Variants in LHFPL3 observed in about 807,000 individuals in gnomAD.
The protein encoded by LHFPL3 is LHFPL tetraspan subfamily member 3 protein.
LHFPL3 carries 5 observed loss-of-function variants against 19.3 expected under a neutral mutation model. That is an observed-to-expected ratio of 0.26 (90% CI 0.14 to 0.54). The LOEUF is 0.54. LHFPL3 is among the 20% of genes least tolerant of loss of function. LHFPL3 has a pLI of 0.94. For synonymous variants in LHFPL3, 133 were observed against 126.2 expected, an observed-to-expected ratio of 1.05 and a Z score of -0.36; for missense variants, 249 against 307.4, an observed-to-expected ratio of 0.81 and a Z score of 1.42.
intron 1 of LHFPL3, among the ~76,000 whole-genome samples, chr7:104,538,839 A>G (rs1584388685): frequency 9.1e-6 from 1 of 110,082 alleles, no homozygotes; most frequent in East Asian, 2.1e-4. Context: ...CGAGGACCTT[A>G]AGATGAGGAA....
At position 104,621,257 on chromosome 7, in the gene LHFPL3, T is replaced by G. The variant is rs148797720; in HGVS notation, c.446-115418T>G. The stretch of plus-strand genomic sequence containing the variant: ...CTTGAGGCTTACTTGAATCGGGGTT[T>G]TCTCCCTTTATGGATTAGTATAGAA... On this transcript the variant is annotated intron_variant, in intron 1 of 2. Transcript: ENST00000424859. Among the ~76,000 whole-genome samples the G allele has an allele frequency of 5.2e-3, 785 of 152,306 alleles. 4 individuals are homozygous for G. The highest frequency in any genetic ancestry group is 0.027 in the Middle Eastern group (8 of 294).
chr7:104,832,408 A>G (rs1268756504), intron 2 of LHFPL3, among the ~76,000 whole-genome samples: 4 of 151,826 alleles, frequency 2.6e-5, no homozygotes, highest in Non-Finnish European at 5.9e-5. Context: ...AACAGAGGAG[A>G]GAGATTTTTT....
chr7:104,392,475 T>C (rs1791094341), intron 1 of LHFPL3, among the ~76,000 whole-genome samples: 1 of 151,986 alleles, frequency 6.6e-6, no homozygotes, highest in South Asian at 2.1e-4. Context: ...TCTGTTTATA[T>C]GCTGGATTAC....
chr7:104,516,237 C>A (rs1021974147), intron 1 of LHFPL3, among the ~76,000 whole-genome samples: 2 of 151,998 alleles, frequency 1.3e-5, no homozygotes, highest in African/African-American at 2.4e-5. Flanking sequence ...AAGTGCCTAG[C>A]AAAACCATCA....
Position 104,523,062 on chromosome 7 carries a change from CAT to C in LHFPL3, c.445+193846_445+193847del, listed in dbSNP as rs1433160685. Among the ~76,000 whole-genome samples, 3 of 149,542 alleles carry C rather than the reference CAT, an allele frequency of 2.0e-5. No individual in the cohort carries two copies. In the Admixed American group the frequency reaches 2.0e-4, roughly 10 times the overall value. ...TATGCACATTATATATACATATACACATATATATACACATATGCATGTTATAT... is the reference window on the plus strand; with the variant it reads ...TATGCACATTATATATACATATACACATATATACACATATGCATGTTATAT... On this transcript the variant is annotated intron_variant, in intron 1 of 2. Transcript: ENST00000424859.
intron 1 of LHFPL3, among the ~76,000 whole-genome samples, chr7:104,525,795 C>T (rs1794177123): frequency 6.6e-6 from 1 of 152,010 alleles, no homozygotes; most frequent in Non-Finnish European, 1.5e-5. Flanking sequence ...TTAGTAGAGA[C>T]AGAGTTTTGC....
At chr7:104,359,148 T>A (rs1168729915) in intron 1 of LHFPL3, among the ~76,000 whole-genome samples, 1 of 152,206 alleles carries the variant, frequency 6.6e-6, no homozygotes, top group Non-Finnish European at 1.5e-5. Context: ...GCTTCTTCCT[T>A]GTCAACTAGA....
rs1035319357 is a variant in LHFPL3, at chr7:104,674,471, C to T, written c.446-62204C>T. Among the ~76,000 whole-genome samples the T allele has an allele frequency of 4.6e-5, 7 of 150,922 alleles. No individual in the cohort carries two copies. The East Asian group carries it at 5.9e-4, about 13-fold the overall frequency. ...GCAACCTCCGCCTCCTGGGTTCAAG[C>T]GATTCTCCTGCCTCAGCCTCCCAAG... On this transcript the variant is annotated intron_variant, in intron 1 of 2. Transcript: ENST00000424859.
intron 2 of LHFPL3, among the ~76,000 whole-genome samples, chr7:104,783,331 G>A (rs1423366039): frequency 1.3e-5 from 2 of 152,182 alleles, no homozygotes; most frequent in Admixed American, 1.3e-4. Flanking sequence ...TCACAGTATA[G>A]TACAAATGCC....
chr7:104,548,649 C>T (rs1162430225), intron 1 of LHFPL3, among the ~76,000 whole-genome samples: 1 of 152,034 alleles, frequency 6.6e-6, no homozygotes, highest in East Asian at 1.9e-4. Context: ...ACTAAGAATC[C>T]CTGTCAAGGA....
At chr7:104,844,511 A>T (rs80308960) in intron 2 of LHFPL3, among the ~76,000 whole-genome samples, 2,046 of 152,302 alleles carry the variant, frequency 0.013, 41 homozygotes, top group African/African-American at 0.046. Context: ...CTATTGCTCT[A>T]TCCATGTGTT....
chr7:104,904,070 C>T (rs546075456), intron 2 of LHFPL3, among the ~76,000 whole-genome samples: 13 of 152,256 alleles, frequency 8.5e-5, no homozygotes, highest in South Asian at 4.1e-4. Flanking sequence ...TATTCCTTTC[C>T]GTAGGGCTTC....
intron 2 of LHFPL3, chr7:104,845,354 GT>G (rs1359393067): frequency 3.9e-6 from 5 of 1,296,908 alleles, no homozygotes; most frequent in Admixed American, 2.0e-5. Flanking sequence ...ACCTTTAACC[GT>G]TCTGTTTTTT....
chr7:104,499,577 G>A (rs1318799580), intron 1 of LHFPL3, among the ~76,000 whole-genome samples: 1 of 152,234 alleles, frequency 6.6e-6, no homozygotes, highest in Non-Finnish European at 1.5e-5. Flanking sequence ...TCAAGAGAAT[G>A]AGGGACTTCT....
intron 1 of LHFPL3, among the ~76,000 whole-genome samples, chr7:104,540,692 C>T (rs768160712): frequency 6.6e-6 from 1 of 152,174 alleles, no homozygotes; most frequent in African/African-American, 2.4e-5. Flanking sequence ...TCATATTTAA[C>T]CATCACAATG....
At chr7:104,485,823 G>A (rs1456664300) in intron 1 of LHFPL3, among the ~76,000 whole-genome samples, 1 of 152,096 alleles carries the variant, frequency 6.6e-6, no homozygotes, top group Non-Finnish European at 1.5e-5. Flanking sequence ...TCTGCCCTGT[G>A]TCCATGTGTT....
intron 1 of LHFPL3, among the ~76,000 whole-genome samples, chr7:104,545,316 C>T (rs1253812588): frequency 1.3e-5 from 2 of 152,170 alleles, no homozygotes; most frequent in African/African-American, 4.8e-5. Flanking sequence ...TGTTTCACCT[C>T]TGAATAGGCT....
In LHFPL3 at chr7:104,512,316, C is replaced by T. The variant is rs114613907; in HGVS notation, c.445+183092C>T. ...GGTAGGTATTTAGGGGTCATGTAATCGTTTATCAGATATTTTTTTGTGTTA... is the reference window on the plus strand; with the variant it reads ...GGTAGGTATTTAGGGGTCATGTAATTGTTTATCAGATATTTTTTTGTGTTA... On this transcript the variant is annotated intron_variant, in intron 1 of 2. Transcript: ENST00000424859. Among the ~76,000 whole-genome samples the T allele has an allele frequency of 4.1e-3, 624 of 152,092 alleles. 7 individuals carry two copies. Among genetic ancestry groups the T allele is most frequent in the African/African-American group, 0.013 (548 of 41,492 alleles).
intron 1 of LHFPL3, among the ~76,000 whole-genome samples, chr7:104,367,267 A>G (rs867431538): frequency 1.1e-4 from 16 of 152,324 alleles, no homozygotes; most frequent in African/African-American, 3.6e-4. Context: ...AATGCATTTG[A>G]TCATCAAAAA....
Sources: allele counts gnomAD v4.1 joint callset (sites outside exome capture counted in the v4.1 genomes callset), GRCh38; gene constraint gnomAD v4.1.1; transcripts MANE v1.5; gene names NCBI Gene and HGNC (gene_info 2026-07-23, HGNC 2026-07-21).